Variants in PRKCA observed in about 807,000 individuals in gnomAD.
The protein encoded by PRKCA is protein kinase C alpha.
Under a neutral mutation model 87.0 loss-of-function variants are expected in PRKCA, and 27 were observed. The ratio of observed to expected loss-of-function variants is 0.31; its 90% CI spans 0.23 to 0.43. PRKCA has a LOEUF of 0.43. Ranked by LOEUF, PRKCA falls within the 20% of genes least tolerant of loss-of-function variation. The probability of loss-of-function intolerance (pLI) is 1.00; values close to 1 mark genes in which losing one functional copy is unlikely to be tolerated. For missense variants in PRKCA, 518 were observed against 852.3 expected (o/e 0.61, Z 4.88); for synonymous variants, 329 against 311.1 (o/e 1.06, Z -0.61).
intron 8 of PRKCA, among the ~76,000 whole-genome samples, chr17:66,690,766 TG>T (rs1402322588): frequency 6.8e-6 from 1 of 146,548 alleles, no homozygotes; most frequent in East Asian, 2.0e-4. Flanking sequence ...AGGCGGAAGT[TG>T]CAGTGAGCCG....
intron 2 of PRKCA, among the ~76,000 whole-genome samples, chr17:66,320,389 A>T (rs4791070): frequency 0.58 from 86,415 of 148,162 alleles, 25,253 homozygotes; most frequent in East Asian, 0.72. Context: ...TTTTTTTTTT[A>T]AAAAAAGAAA....
chr17:66,626,563 G>A (rs956199198), intron 3 of PRKCA, among the ~76,000 whole-genome samples: 1 of 151,556 alleles, frequency 6.6e-6, no homozygotes, highest in Non-Finnish European at 1.5e-5. Flanking sequence ...GTGGAGACGG[G>A]GTTTCACCAT....
intron 2 of PRKCA, among the ~76,000 whole-genome samples, chr17:66,406,442 T>C (rs1911382116): frequency 1.3e-5 from 2 of 152,140 alleles, no homozygotes; most frequent in Non-Finnish European, 2.9e-5. Flanking sequence ...CTGTCTGGAA[T>C]CCAAAATAAA....
chr17:66,414,626 T>C (rs1912027287), intron 2 of PRKCA, among the ~76,000 whole-genome samples: 1 of 152,110 alleles, frequency 6.6e-6, no homozygotes, highest in African/African-American at 2.4e-5. Context: ...TTGCTTGTCT[T>C]ATATGGTATG....
At chr17:66,556,939 C>A (rs998515029) in intron 3 of PRKCA, among the ~76,000 whole-genome samples, 3 of 152,122 alleles carry the variant, frequency 2.0e-5, no homozygotes, top group Non-Finnish European at 2.9e-5. Flanking sequence ...GGAAGAACCC[C>A]ACAGCATCAG....
At chr17:66,771,114 T>G (rs1251751417) in intron 13 of PRKCA, among the ~76,000 whole-genome samples, 1 of 151,744 alleles carries the variant, frequency 6.6e-6, no homozygotes, top group East Asian at 1.9e-4. Flanking sequence ...GCAACTCTCC[T>G]GCCTCAGCCT....
At chr17:66,519,591 T>A (rs899886470) in intron 3 of PRKCA, among the ~76,000 whole-genome samples, 1 of 152,174 alleles carries the variant, frequency 6.6e-6, no homozygotes, top group Non-Finnish European at 1.5e-5. Context: ...ATACTGGGAA[T>A]TAAATGGGGT....
chr17:66,788,402 GC>G (rs1975452345), intron 15 of PRKCA, among the ~76,000 whole-genome samples: 1 of 151,962 alleles, frequency 6.6e-6, no homozygotes, highest in Non-Finnish European at 1.5e-5. Context: ...TAACATTTTG[GC>G]CCAGACAATA....
At chr17:66,381,860 A>T (rs1339290373) in intron 2 of PRKCA, among the ~76,000 whole-genome samples, 1 of 151,892 alleles carries the variant, frequency 6.6e-6, no homozygotes, top group Non-Finnish European at 1.5e-5. Context: ...ATAGGATTTC[A>T]CTCTTGTTTG....
chr17:66,319,498 T>A (rs1035008070), intron 2 of PRKCA, among the ~76,000 whole-genome samples: 3 of 152,186 alleles, frequency 2.0e-5, no homozygotes, highest in African/African-American at 4.8e-5. Context: ...TTTTGTCAGG[T>A]TATATTTTAT....
In PRKCA at chr17:66,314,873, A is replaced by ATG. The variant is rs1389773053; in HGVS notation, c.205+8747_205+8748insGT. 7.2e-4 allele frequency among the ~76,000 whole-genome samples: 78 copies of ATG among 108,788 alleles called. 1 individual carries two copies. The Middle Eastern group carries it at 0.013, about 18-fold the overall frequency. 71.4% of individuals were successfully genotyped at this position (108,788 alleles called of 152,430 possible). A position where few individuals can be genotyped will look rare whatever the true frequency, so the allele number is the denominator to read the frequency against. ...TCTCTCTCTCTCTCTAGATATATATATATGTGTGTGTGTGTGTGTGTGTGT... is the reference window on the plus strand; with the variant it reads ...TCTCTCTCTCTCTCTAGATATATATATGTATGTGTGTGTGTGTGTGTGTGTGT... On this transcript the variant is annotated intron_variant, in intron 2 of 16. Transcript: ENST00000413366.
chr17:66,705,687 A>G (rs563408632), intron 8 of PRKCA, among the ~76,000 whole-genome samples: 1 of 152,254 alleles, frequency 6.6e-6, no homozygotes, highest in African/African-American at 2.4e-5. Flanking sequence ...TGGTACCCAC[A>G]GGGGATGAGC....
At chr17:66,770,002 T>A in intron 13 of PRKCA, among the ~76,000 whole-genome samples, 1 of 152,208 alleles carries the variant, frequency 6.6e-6, no homozygotes, top group East Asian at 1.9e-4. Context: ...ATCCCCCTGG[T>A]TTTTCTGGAT....
chr17:66,675,657 G>A (rs1972308885), intron 5 of PRKCA, among the ~76,000 whole-genome samples: 2 of 152,134 alleles, frequency 1.3e-5, no homozygotes, highest in Non-Finnish European at 2.9e-5. Flanking sequence ...CCAGCCCAGA[G>A]GCCCAGAGTG....
chr17:66,786,048 TC>T (rs1975380767), intron 14 of PRKCA, among the ~76,000 whole-genome samples: 4 of 152,302 alleles, frequency 2.6e-5, no homozygotes, highest in South Asian at 4.1e-4. Flanking sequence ...CAGGATGGTC[TC>T]GATCACCTGC....
At chr17:66,575,170 G>A (rs771312864) in intron 3 of PRKCA, among the ~76,000 whole-genome samples, 5 of 152,180 alleles carry the variant, frequency 3.3e-5, no homozygotes, top group Non-Finnish European at 5.9e-5. Flanking sequence ...ACTAAGAGGC[G>A]GTAGCAGCAT....
intron 8 of PRKCA, among the ~76,000 whole-genome samples, chr17:66,710,568 C>T (rs370692986): frequency 1.0e-3 from 153 of 152,232 alleles, no homozygotes; most frequent in African/African-American, 3.6e-3. Context: ...ATGCTCTCCA[C>T]CCTTAAGGAT....
chr17:66,602,434 C>A (rs991759510), intron 3 of PRKCA, among the ~76,000 whole-genome samples: 1 of 150,226 alleles, frequency 6.7e-6, no homozygotes, highest in Non-Finnish European at 1.5e-5. Context: ...GGCTCGCGCA[C>A]GGTGCGCACA....
At chr17:66,471,483 C>T (rs1915320032) in intron 2 of PRKCA, among the ~76,000 whole-genome samples, 1 of 152,158 alleles carries the variant, frequency 6.6e-6, no homozygotes, top group Admixed American at 6.5e-5. Flanking sequence ...AATTGAGTTG[C>T]AACAGTGTGT....
Sources: allele counts gnomAD v4.1 joint callset (sites outside exome capture counted in the v4.1 genomes callset), GRCh38; gene constraint gnomAD v4.1.1; transcripts MANE v1.5; gene names NCBI Gene and HGNC (gene_info 2026-07-23, HGNC 2026-07-21).